The following INHBC variants were observed in gnomAD, a reference collection of about 807,000 sequenced individuals.
INHBC encodes inhibin subunit beta C.
In INHBC, 10 loss-of-function variants were observed where a neutral mutation model predicts 12.4. That is an observed-to-expected ratio of 0.81 (90% CI 0.50 to 1.37). The LOEUF (loss-of-function observed/expected upper bound fraction) is 1.37. Ranked by LOEUF, INHBC falls within the 40% of genes most tolerant of loss-of-function variation. INHBC has a pLI of 0.00. For synonymous variants in INHBC, 147 were observed against 171.6 expected (o/e 0.86, Z 1.12); for missense variants, 382 against 439.4 (o/e 0.87, Z 1.17).
chr12:57,437,090 C>G (rs1870358623), intron 1 of INHBC, among the ~76,000 whole-genome samples: 1 of 152,088 alleles, frequency 6.6e-6, no homozygotes, highest in Non-Finnish European at 1.5e-5. Flanking sequence ...AGCCACCATC[C>G]CCGGGCTAAA....
intron 1 of INHBC, among the ~76,000 whole-genome samples, chr12:57,442,554 T>G (rs531049308): frequency 6.6e-6 from 1 of 152,244 alleles, no homozygotes; most frequent in Non-Finnish European, 1.5e-5. Flanking sequence ...CCTATAGACT[T>G]GGGACCTGGG....
intron 1 of INHBC, among the ~76,000 whole-genome samples, chr12:57,436,054 C>T (rs1181585078): frequency 6.6e-6 from 1 of 152,138 alleles, no homozygotes; most frequent in Non-Finnish European, 1.5e-5. Flanking sequence ...ACCGTGTTGG[C>T]CAAGCCGATC....
intron 1 of INHBC, among the ~76,000 whole-genome samples, chr12:57,447,207 C>T (rs1185238351): frequency 5.3e-5 from 8 of 151,362 alleles, no homozygotes; most frequent in Non-Finnish European, 2.9e-5. Context: ...TTTTTTGAGG[C>T]GGAGCCTCGC....
chr12:57,440,728 A>G (rs1332771134), intron 1 of INHBC, among the ~76,000 whole-genome samples: 2 of 152,212 alleles, frequency 1.3e-5, no homozygotes, highest in Non-Finnish European at 2.9e-5. Flanking sequence ...TGGAAATATC[A>G]TTAGCTAAAT....
chr12:57,447,915 ATATATAT>A (rs1566551445), intron 1 of INHBC, among the ~76,000 whole-genome samples: 5 of 114,814 alleles, frequency 4.4e-5, no homozygotes, highest in African/African-American at 1.5e-4. Context: ...ATATATATAT[ATATATAT>A]AAAATATATG....
intron 1 of INHBC, among the ~76,000 whole-genome samples, chr12:57,439,938 T>C (rs887523573): frequency 6.6e-6 from 1 of 152,224 alleles, no homozygotes; most frequent in Non-Finnish European, 1.5e-5. Context: ...CTCAAACTCC[T>C]GGCCTCAAGG....
intron 1 of INHBC, among the ~76,000 whole-genome samples, chr12:57,438,807 T>C (rs915057356): frequency 2.0e-5 from 3 of 152,168 alleles, no homozygotes; most frequent in Non-Finnish European, 4.4e-5. Flanking sequence ...CTCTCCCAGC[T>C]ACCCACATCA....
chr12:57,443,441 C>A (rs1347837547), intron 1 of INHBC, among the ~76,000 whole-genome samples: 1 of 151,912 alleles, frequency 6.6e-6, no homozygotes, highest in African/African-American at 2.4e-5. Flanking sequence ...TGCGCCACCA[C>A]GCCCGGCTAA....
intron 1 of INHBC, among the ~76,000 whole-genome samples, chr12:57,445,736 A>ATTT (rs35509259): frequency 1.9e-4 from 19 of 101,348 alleles, no homozygotes; most frequent in Non-Finnish European, 2.1e-4. Context: ...CTCCATGTAA[A>ATTT]TTTTTTTTTT....
At chr12:57,441,289 G>C (rs1216051978) in intron 1 of INHBC, among the ~76,000 whole-genome samples, 2 of 149,812 alleles carry the variant, frequency 1.3e-5, no homozygotes, top group Non-Finnish European at 3.0e-5. Context: ...AGGGGGTGGA[G>C]GTTGCAGTGA....
At chr12:57,439,235 C>A (rs1870408041) in intron 1 of INHBC, among the ~76,000 whole-genome samples, 1 of 152,166 alleles carries the variant, frequency 6.6e-6, no homozygotes, top group African/African-American at 2.4e-5. Flanking sequence ...AATAGATATT[C>A]CTGTTCAAAA....
chr12:57,449,934 C>G lies in INHBC; in HGVS notation c.971C>G (p.Pro324Arg). ...GSCCVPTARR[P>R]LSLLYYDRDS... ...TGCTGTGTACCCACGGCCCGGCGCC[C>G]CCTGTCTCTGCTCTATTATGACAGG... The change falls in exon 2 of 2, where the codon CCC (proline) becomes CGC (arginine). Residue 324 changes from proline to arginine, a missense_variant. Pro to Arg is a moderately radical substitution (Grantham distance 103). Transcript: ENST00000309668. The G allele has an allele frequency of 6.3e-7, 1 of 1,585,472 alleles. No homozygotes were observed. The highest frequency in any genetic ancestry group is 8.6e-7 in the Non-Finnish European group (1 of 1,164,874).
chr12:57,439,152 C>T (rs1279822037), intron 1 of INHBC, among the ~76,000 whole-genome samples: 5 of 152,136 alleles, frequency 3.3e-5, no homozygotes, highest in South Asian at 2.1e-4. Context: ...CCACTGTCTG[C>T]GTCCTAAAAA....
intron 1 of INHBC, among the ~76,000 whole-genome samples, chr12:57,444,506 A>C (rs1870534867): frequency 6.6e-6 from 1 of 151,280 alleles, no homozygotes; most frequent in Non-Finnish European, 1.5e-5. Context: ...GTACCACTGC[A>C]ATCTAGCCTG....
rs548954835 is a variant in INHBC, at chr12:57,437,674, A to T, written c.313+2475A>T. ...GGACAGAGTGACACTCCGTCTCAAAAAAAAAAAAAAAGAAAGAAAGAAAAT... is the reference window on the plus strand; with the variant it reads ...GGACAGAGTGACACTCCGTCTCAAATAAAAAAAAAAAGAAAGAAAGAAAAT... On this transcript the variant is annotated intron_variant, in intron 1 of 1. Transcript: ENST00000309668. Among the ~76,000 whole-genome samples the T allele has an allele frequency of 4.6e-5, 7 of 150,666 alleles. No homozygotes were observed. In the East Asian group the frequency reaches 1.4e-3, roughly 29 times the overall value.
chr12:57,447,702 T>C (rs1431750738), intron 1 of INHBC, among the ~76,000 whole-genome samples: 15 of 148,050 alleles, frequency 1.0e-4, no homozygotes, highest in African/African-American at 3.7e-4. Context: ...CTGACCAACA[T>C]GGAGAAACCC....
intron 1 of INHBC, among the ~76,000 whole-genome samples, chr12:57,443,555 A>AT (rs2139833125): frequency 6.6e-6 from 1 of 152,230 alleles, no homozygotes; most frequent in South Asian, 2.1e-4. Context: ...AAGTGCTGGG[A>AT]TTACAGGCAT....
chr12:57,449,688 G>T lies in INHBC; in HGVS notation c.725G>T (p.Gly242Val). The stretch of plus-strand genomic sequence containing the variant: ...CACCGACGAGGCATCGACTGCCAAG[G>T]AGGGTCCAGGATGTGCTGTCGACAA... ...QIHRRGIDCQGGSRMCCRQEF... is the reference protein window; with the variant it reads ...QIHRRGIDCQVGSRMCCRQEF... Residue 242 changes from glycine (G) to valine (V), a missense_variant, in exon 2 of 2, where the codon GGA (glycine) becomes GTA (valine). Coordinates refer to ENST00000309668, the MANE Select transcript of INHBC (RefSeq NM_005538.4). The T allele has an allele frequency of 6.2e-7, 1 of 1,614,276 alleles. No homozygotes were observed. Among genetic ancestry groups the T allele is most frequent in the Middle Eastern group, 1.6e-4 (1 of 6,062 alleles).
chr12:57,437,410 C>T (rs1870366269), intron 1 of INHBC, among the ~76,000 whole-genome samples: 1 of 152,094 alleles, frequency 6.6e-6, no homozygotes, highest in Admixed American at 6.6e-5. Context: ...TGGCTCACGC[C>T]TGTAATCCTA....
Sources: gnomAD v4.1 joint callset for allele counts (sites outside exome capture counted in the v4.1 genomes callset) on GRCh38, gnomAD v4.1.1 for gene constraint, MANE v1.5 for transcripts, NCBI Gene and HGNC (gene_info 2026-07-23, HGNC 2026-07-21) for gene names.